Variants in ARL15 observed in about 807,000 individuals in gnomAD.
The protein encoded by ARL15 is ADP-ribosylation factor-like protein 15.
Under a neutral mutation model 25.2 loss-of-function variants are expected in ARL15, and 19 were observed. The ratio of observed to expected loss-of-function variants is 0.75; its 90% CI spans 0.53 to 1.10. The LOEUF (loss-of-function observed/expected upper bound fraction) is 1.10, where lower values mean the gene tolerates loss of function less well. ARL15 is among the 50% of genes least tolerant of loss of function. ARL15 has a pLI of 0.00. For missense variants in ARL15, 220 were observed against 246.0 expected (o/e 0.89, Z 0.71); for synonymous variants, 94 against 86.8 (o/e 1.08, Z -0.46).
At chr5:54,231,988 C>T (rs1331299814) in intron 1 of ARL15, among the ~76,000 whole-genome samples, 1 of 152,186 alleles carries the variant, frequency 6.6e-6, no homozygotes, top group Non-Finnish European at 1.5e-5. Context: ...GACCACTTAG[C>T]AGTCTACGCT....
chr5:53,993,118 G>C (rs1748560237), intron 4 of ARL15, among the ~76,000 whole-genome samples: 1 of 151,844 alleles, frequency 6.6e-6, no homozygotes, highest in South Asian at 2.1e-4. Context: ...ACTAATTTAG[G>C]ATGATGTTAA....
intron 4 of ARL15, among the ~76,000 whole-genome samples, chr5:54,029,321 C>CACCACCACCACT (rs149987517): frequency 1.7e-5 from 2 of 117,662 alleles, no homozygotes; most frequent in Admixed American, 1.7e-4. Flanking sequence ...CCACCACCAC[C>CACCACCACCACT]ACCACCACCA....
chr5:54,119,173 G>A (rs1752999533), intron 3 of ARL15, among the ~76,000 whole-genome samples: 4 of 151,996 alleles, frequency 2.6e-5, no homozygotes, highest in Admixed American at 2.6e-4. Flanking sequence ...TGTCACTATG[G>A]GTTCAATGCC....
chr5:54,049,975 T>C (rs1197963668), intron 4 of ARL15, among the ~76,000 whole-genome samples: 4 of 152,148 alleles, frequency 2.6e-5, no homozygotes, highest in Non-Finnish European at 5.9e-5. Flanking sequence ...GAGCAGATCA[T>C]TTATTGGTGT....
At chr5:54,052,882 A>G (rs139303033) in intron 4 of ARL15, among the ~76,000 whole-genome samples, 1 of 152,208 alleles carries the variant, frequency 6.6e-6, no homozygotes, top group East Asian at 1.9e-4. Context: ...TTCTTCAACA[A>G]AAGGCTGATC....
At chr5:54,134,352 C>A (rs157071) in intron 3 of ARL15, among the ~76,000 whole-genome samples, 134,614 of 152,084 alleles carry the variant, frequency 0.89, 59,836 homozygotes, top group East Asian at 0.98. Context: ...GGCAGTAGTT[C>A]GGTAGCTTTG....
intron 4 of ARL15, among the ~76,000 whole-genome samples, chr5:54,000,540 C>G (rs1054512125): frequency 6.6e-5 from 10 of 152,092 alleles, no homozygotes; most frequent in African/African-American, 2.4e-4. Context: ...ATTAAGCCAC[C>G]TTGGGTACCA....
At chr5:54,239,322 T>A (rs1756893182) in intron 1 of ARL15, among the ~76,000 whole-genome samples, 1 of 152,120 alleles carries the variant, frequency 6.6e-6, no homozygotes, top group East Asian at 1.9e-4. Context: ...CAGGTATCTC[T>A]TCTGAAGTAA....
intron 4 of ARL15, among the ~76,000 whole-genome samples, chr5:53,954,357 A>G (rs1275911936): frequency 6.6e-6 from 1 of 152,056 alleles, no homozygotes; most frequent in Non-Finnish European, 1.5e-5. Flanking sequence ...TAGAACTTGT[A>G]TACTGATTTC....
intron 4 of ARL15, among the ~76,000 whole-genome samples, chr5:53,947,165 A>AGGGG (rs200009725): frequency 1.2e-4 from 14 of 113,020 alleles, no homozygotes; most frequent in South Asian, 7.1e-4. Context: ...AAAATAAATA[A>AGGGG]GGGTGTGTGT....
At chr5:53,933,441 C>T (rs1444530989) in intron 4 of ARL15, among the ~76,000 whole-genome samples, 2 of 151,906 alleles carry the variant, frequency 1.3e-5, no homozygotes, top group Non-Finnish European at 2.9e-5. Context: ...GTCAGGAGAT[C>T]GAGACCATTC....
At chr5:53,991,830 T>C (rs1580148716) in intron 4 of ARL15, among the ~76,000 whole-genome samples, 1 of 152,294 alleles carries the variant, frequency 6.6e-6, no homozygotes. Flanking sequence ...ACCTAACAGT[T>C]AACTTATTAA....
intron 2 of ARL15, among the ~76,000 whole-genome samples, chr5:54,165,815 A>C (rs2112383514): frequency 6.6e-6 from 1 of 152,116 alleles, no homozygotes; most frequent in African/African-American, 2.4e-5. Flanking sequence ...CTATAAACCC[A>C]AAATCTACAG....
intron 4 of ARL15, among the ~76,000 whole-genome samples, chr5:53,989,357 T>C (rs1664797): frequency 0.63 from 96,151 of 152,002 alleles, 30,909 homozygotes; most frequent in East Asian, 0.86. Context: ...TAGTTATCAC[T>C]TTAAAGTCTA....
intron 4 of ARL15, among the ~76,000 whole-genome samples, chr5:54,072,901 C>T (rs990499650): frequency 9.2e-5 from 14 of 152,248 alleles, no homozygotes; most frequent in Middle Eastern, 3.4e-3. Context: ...AATAGAATCA[C>T]GCTGAAGATG....
chr5:54,033,551 A>G (rs766113170), intron 4 of ARL15, among the ~76,000 whole-genome samples: 32 of 151,076 alleles, frequency 2.1e-4, no homozygotes, highest in Admixed American at 7.2e-4. Flanking sequence ...GCACACCTAT[A>G]ATCCTAGCTA....
chr5:54,176,610 C>G (rs1465891810), intron 1 of ARL15, among the ~76,000 whole-genome samples: 2 of 152,194 alleles, frequency 1.3e-5, no homozygotes, highest in Non-Finnish European at 2.9e-5. Flanking sequence ...GCAGTCCTGA[C>G]AGCAAGCGGC....
chr5:54,296,139 T>C (rs969171112), intron 1 of ARL15, among the ~76,000 whole-genome samples: 1 of 152,178 alleles, frequency 6.6e-6, no homozygotes, highest in South Asian at 2.1e-4. Flanking sequence ...CAGCAAGCAG[T>C]TGAAGTGTCT....
chr5:54,151,765 T>C (rs1754076921), intron 3 of ARL15, among the ~76,000 whole-genome samples: 1 of 152,164 alleles, frequency 6.6e-6, no homozygotes, highest in Non-Finnish European at 1.5e-5. Flanking sequence ...TGTAACTCCA[T>C]TATTCATTGT....
Sources: gnomAD v4.1 joint callset for allele counts (sites outside exome capture counted in the v4.1 genomes callset) on GRCh38, gnomAD v4.1.1 for gene constraint, MANE v1.5 for transcripts, NCBI Gene and HGNC (gene_info 2026-07-23, HGNC 2026-07-21) for gene names.